The following CTDP1 variants were observed in gnomAD, a reference collection of about 807,000 sequenced individuals.
CTDP1 encodes CTD phosphatase 1, also known as RNA polymerase II subunit A C-terminal domain phosphatase.
In CTDP1, 47 loss-of-function variants were observed where a neutral mutation model predicts 91.8. The observed-to-expected ratio is 0.51, with a 90% CI of 0.41 to 0.65. The LOEUF is 0.65. CTDP1 is among the 30% of genes least tolerant of loss of function. The probability of loss-of-function intolerance (pLI) is 0.00; values close to 1 mark genes in which losing one functional copy is unlikely to be tolerated. For missense variants in CTDP1, 1,272 were observed against 1,373.7 expected (o/e 0.93, Z 1.17); for synonymous variants, 656 against 598.5 (o/e 1.10, Z -1.40).
At chr18:79,731,825 G>T (rs1054959054) in intron 11 of CTDP1, among the ~76,000 whole-genome samples, 1 of 152,192 alleles carries the variant, frequency 6.6e-6, no homozygotes, top group South Asian at 2.1e-4. Flanking sequence ...AACAGAGGCC[G>T]GGTGTGGGGC....
chr18:79,702,300 G>A (rs761593770), intron 4 of CTDP1, among the ~76,000 whole-genome samples: 16 of 152,208 alleles, frequency 1.1e-4, no homozygotes, highest in Non-Finnish European at 1.3e-4. Flanking sequence ...ACCCTGCGCC[G>A]ACAGAAAGAC....
chr18:79,710,328 C>G lies in CTDP1; in HGVS notation c.773-18C>G. 1 of 1,598,786 alleles carries G rather than the reference C, an allele frequency of 6.3e-7. No homozygotes were observed. Among genetic ancestry groups the G allele is most frequent in the Non-Finnish European group, 8.6e-7 (1 of 1,166,362 alleles). On this transcript the variant is annotated intron_variant, in intron 5 of 12. Coordinates refer to ENST00000613122, the MANE Select transcript of CTDP1 (RefSeq NM_004715.5). ...CGTGTCTCAGGTATGTAATCTTTGT[C>G]CTGTTTTCTTTTCCAAGGCTTTTTA...
At chr18:79,707,375 C>A (rs2085987670) in intron 5 of CTDP1, among the ~76,000 whole-genome samples, 1 of 152,242 alleles carries the variant, frequency 6.6e-6, no homozygotes, top group African/African-American at 2.4e-5. Context: ...AGCATCCATG[C>A]AGACATCCGC....
chr18:79,732,952 A>C (rs1311822331), intron 11 of CTDP1, among the ~76,000 whole-genome samples: 3 of 152,224 alleles, frequency 2.0e-5, no homozygotes, highest in Non-Finnish European at 4.4e-5. Context: ...GTGCTCCCAA[A>C]ATCACAGGAG....
chr18:79,693,097 C>T (rs568970062), intron 1 of CTDP1, among the ~76,000 whole-genome samples: 91 of 152,252 alleles, frequency 6.0e-4, no homozygotes, highest in African/African-American at 1.2e-3. Flanking sequence ...AGTGCGATGG[C>T]GGTAGGGACA....
chr18:79,719,595 C>T (rs867888359), intron 10 of CTDP1, among the ~76,000 whole-genome samples: 1 of 149,394 alleles, frequency 6.7e-6, no homozygotes, highest in Non-Finnish European at 1.5e-5. Context: ...TGTCACTTCC[C>T]ATTAGGAAGG....
At chr18:79,747,216 C>T (rs537461271) in intron 12 of CTDP1, among the ~76,000 whole-genome samples, 2 of 152,304 alleles carry the variant, frequency 1.3e-5, no homozygotes, top group South Asian at 2.1e-4. Flanking sequence ...AGCAGGCTCT[C>T]GGAGGGGAGG....
chr18:79,740,208 A>T (rs113404783), intron 12 of CTDP1, among the ~76,000 whole-genome samples: 1 of 150,788 alleles, frequency 6.6e-6, no homozygotes, highest in African/African-American at 2.5e-5. Flanking sequence ...GACGGGTGGG[A>T]CTCGGCGCTT....
chr18:79,713,979 G>A lies in CTDP1; in HGVS notation c.1031-512G>A, dbSNP rs551739151. Among the ~76,000 whole-genome samples the A allele has an allele frequency of 9.1e-6, 1 of 110,272 alleles. No individual in the cohort carries two copies. The highest frequency in any genetic ancestry group is 2.4e-4 in the East Asian group (1 of 4,104). 72.3% of individuals were successfully genotyped at this position (110,272 alleles called of 152,430 possible). ...GGCCACGGTGGCGCCAGGTCTGCAG[G>A]GGCTTACGGCCACGGTGGTGCCAGG... On this transcript the variant is annotated intron_variant, in intron 7 of 12. Coordinates refer to ENST00000613122, the MANE Select transcript of CTDP1 (RefSeq NM_004715.5). This position sits in a 1 kb window ranked among gnomAD's most constrained non-coding sequence, Gnocchi z 4.7.
At chr18:79,695,451 G>C in intron 2 of CTDP1, 143 bp downstream of exon 2, 1 of 742,730 alleles carries the variant, frequency 1.3e-6, no homozygotes, top group African/African-American at 1.7e-5. Context: ...GGCCCCATAC[G>C]AGTCACACTC....
At chr18:79,730,764 C>A (rs1441654194) in intron 11 of CTDP1, among the ~76,000 whole-genome samples, 1 of 152,166 alleles carries the variant, frequency 6.6e-6, no homozygotes, top group Admixed American at 6.5e-5. Context: ...GGAGCCCCGG[C>A]GCCAAGGACC....
chr18:79,743,433 GGA>G (rs1463651705), intron 12 of CTDP1, among the ~76,000 whole-genome samples: 1 of 151,038 alleles, frequency 6.6e-6, no homozygotes, highest in Non-Finnish European at 1.5e-5. Flanking sequence ...GGCTGAGGCA[GGA>G]GAATTGCTTG....
intron 5 of CTDP1, among the ~76,000 whole-genome samples, chr18:79,709,217 A>G (rs1045919136): frequency 2.0e-5 from 3 of 152,248 alleles, no homozygotes; most frequent in Non-Finnish European, 4.4e-5. Flanking sequence ...TACTTCTACA[A>G]ACTGAAATAT....
chr18:79,712,904 G>A (rs999648693), intron 6 of CTDP1, 68 bp from the exon 7 acceptor site: 7 of 1,538,952 alleles, frequency 4.5e-6, no homozygotes, highest in Non-Finnish European at 6.3e-6. Context: ...AAACTGTTAC[G>A]CTTGGCAAGA....
intron 12 of CTDP1, among the ~76,000 whole-genome samples, chr18:79,741,713 C>A (rs935541113): frequency 2.6e-5 from 4 of 152,180 alleles, no homozygotes; most frequent in African/African-American, 7.2e-5. Context: ...AGACACAGGG[C>A]GGCAGGCAGG....
downstream of CTDP1, chr18:79,755,660 G>C (rs1222420645): frequency 6.6e-6 from 1 of 152,280 alleles, no homozygotes; most frequent in Non-Finnish European, 1.5e-5. Flanking sequence ...TCTGCGTGTG[G>C]TTGGTCCTGC....
chr18:79,684,112 C>T (rs1236979016), intron 1 of CTDP1, among the ~76,000 whole-genome samples: 2 of 152,246 alleles, frequency 1.3e-5, no homozygotes, highest in African/African-American at 4.8e-5. Flanking sequence ...GTGCCATCAC[C>T]TTAGTGAAGG....
At chr18:79,705,175 G>A (rs1246098567) in intron 5 of CTDP1, among the ~76,000 whole-genome samples, 2 of 152,152 alleles carry the variant, frequency 1.3e-5, no homozygotes, top group Non-Finnish European at 2.9e-5. Flanking sequence ...ACATGGGCAC[G>A]TGGAAACTTC....
intron 1 of CTDP1, among the ~76,000 whole-genome samples, chr18:79,694,212 C>T (rs1280503835): frequency 1.4e-5 from 2 of 139,842 alleles, no homozygotes; most frequent in African/African-American, 3.0e-5. Flanking sequence ...CTCATGTCTG[C>T]AGGGCAGGGT....
Sources: allele counts gnomAD v4.1 joint callset (sites outside exome capture counted in the v4.1 genomes callset), GRCh38; gene constraint gnomAD v4.1.1; non-coding constraint Gnocchi (gnomAD v3.1); transcripts MANE v1.5; gene names NCBI Gene and HGNC (gene_info 2026-07-23, HGNC 2026-07-21).